The following DGKH variants were observed in gnomAD, a reference collection of about 807,000 sequenced individuals.
DGKH encodes the protein diacylglycerol kinase eta.
A neutral mutation model predicts 159.3 loss-of-function variants in DGKH; 90 were observed. The ratio of observed to expected loss-of-function variants is 0.57; its 90% CI spans 0.48 to 0.67. DGKH has a LOEUF of 0.67. Ranked by LOEUF, DGKH falls within the 30% of genes least tolerant of loss-of-function variation. The pLI is 0.00. For synonymous variants in DGKH, 536 were observed against 553.8 expected (o/e 0.97, Z 0.45); for missense variants, 1,181 against 1,506.1 (o/e 0.78, Z 3.57).
chr13:42,159,244 C>CTTTTTT (rs57531279), intron 5 of DGKH, 22 bp from the exon 6 acceptor site: 5,188 of 214,096 alleles, frequency 0.024, 1,059 homozygotes, highest in Middle Eastern at 0.034. Context: ...AGCAGTTGCT[C>CTTTTTT]TTTTTTTTTT....
At chr13:42,104,623 C>T (rs1954713136) in intron 1 of DGKH, among the ~76,000 whole-genome samples, 1 of 152,152 alleles carries the variant, frequency 6.6e-6, no homozygotes, top group African/African-American at 2.4e-5. Context: ...AAGTTGTTCA[C>T]ATGGCCAGAT....
chr13:42,109,648 G>A (rs1172609545), intron 1 of DGKH, among the ~76,000 whole-genome samples: 4 of 40,846 alleles, frequency 9.8e-5, no homozygotes, highest in Non-Finnish European at 1.7e-4. Context: ...CTGTGCGTGC[G>A]TGCCTGTGCG....
At chr13:42,147,203 T>G (rs1033999394) in intron 3 of DGKH, among the ~76,000 whole-genome samples, 8 of 151,992 alleles carry the variant, frequency 5.3e-5, no homozygotes, top group Non-Finnish European at 1.2e-4. Context: ...GAGTTGAAAA[T>G]GGGAATAAAA....
chr13:42,229,424 A>G lies in DGKH; in HGVS notation c.*236A>G, dbSNP rs576842389. ...TTTTTGTGCAAACCTGACATGTTCA[A>G]ATATATTCACAATGGTAATAAGGTA... On this transcript the variant is annotated 3_prime_UTR_variant, in exon 30 of 30. Transcript: ENST00000337343. 2.3e-6 allele frequency: 1 copy of G among 431,686 alleles called. No homozygotes were observed. Among genetic ancestry groups the G allele is most frequent in the East Asian group, 5.0e-5 (1 of 19,900 alleles). The allele number at this position is 431,686 out of a possible 1,614,324, so 26.7% of individuals were successfully genotyped here. A position where few individuals can be genotyped will look rare whatever the true frequency, so the allele number is the denominator to read the frequency against.
chr13:42,067,931 A>T (rs949166934), intron 1 of DGKH, among the ~76,000 whole-genome samples: 9 of 152,200 alleles, frequency 5.9e-5, no homozygotes, highest in African/African-American at 2.2e-4. Context: ...TTAAACTATA[A>T]TAATGATGTA....
intron 7 of DGKH, among the ~76,000 whole-genome samples, chr13:42,161,668 T>C (rs1336411278): frequency 1.3e-5 from 2 of 148,886 alleles, no homozygotes; most frequent in Non-Finnish European, 3.0e-5. Context: ...TAATCCCAGC[T>C]ACTCGGGAGG....
At chr13:42,199,519 T>C (rs1392625598) in intron 18 of DGKH, 47 bp from the exon 19 acceptor site, 7 of 1,292,872 alleles carry the variant, frequency 5.4e-6, no homozygotes, top group Non-Finnish European at 7.6e-6. Flanking sequence ...GTAATTGTTA[T>C]AATGAATCTC....
At chr13:42,170,942 CAA>C (rs5803114) in intron 11 of DGKH, among the ~76,000 whole-genome samples, 4,992 of 136,014 alleles carry the variant, frequency 0.037, 186 homozygotes, top group African/African-American at 0.11. Context: ...GACTCTGTCT[CAA>C]AAAAAAAAAA....
intron 12 of DGKH, among the ~76,000 whole-genome samples, chr13:42,175,725 G>C (rs564961245): frequency 6.6e-6 from 1 of 152,286 alleles, no homozygotes; most frequent in South Asian, 2.1e-4. Context: ...CAAAGGGATA[G>C]CATACTTTAA....
chr13:42,214,406 A>G, intron 24 of DGKH, 101 bp from the exon 25 acceptor site: 1 of 1,094,220 alleles, frequency 9.1e-7, no homozygotes, highest in Non-Finnish European at 1.3e-6. Flanking sequence ...ACTGATCTTC[A>G]TATATTTTTT....
At chr13:42,207,695 G>GTATA (rs55668821) in intron 21 of DGKH, among the ~76,000 whole-genome samples, 2,132 of 140,256 alleles carry the variant, frequency 0.015, 29 homozygotes, top group Middle Eastern at 0.09. Context: ...ATTAAAGTGT[G>GTATA]TATATATATA....
rs1958299198 is a variant in DGKH at position 42,231,695 on chromosome 13, T to C, written c.*2507T>C. The stretch of plus-strand genomic sequence containing the variant: ...GAGTCTAGCTATGATGTGTCCCAAA[T>C]TTAAGAGTGTGATGTGAAGGACTGA... On this transcript the variant is annotated 3_prime_UTR_variant, in exon 30 of 30. Transcript: ENST00000337343. 1 of 152,170 alleles carries C rather than the reference T, an allele frequency of 6.6e-6. No individual in the cohort carries two copies. The highest frequency in any genetic ancestry group is 6.5e-5 in the Admixed American group (1 of 15,284). 9.4% of individuals were successfully genotyped at this position (152,170 alleles called of 1,614,324 possible). A position where few individuals can be genotyped will look rare whatever the true frequency, so the allele number is the denominator to read the frequency against.
intron 28 of DGKH, among the ~76,000 whole-genome samples, chr13:42,220,216 T>C (rs1957929696): frequency 6.6e-6 from 1 of 152,212 alleles, no homozygotes; most frequent in African/African-American, 2.4e-5. Context: ...AAATGGAACA[T>C]AGAAACTTTC....
downstream of DGKH, among the ~76,000 whole-genome samples, chr13:42,244,859 C>A (rs576083077): frequency 0.013 from 1,756 of 133,750 alleles, 17 homozygotes; most frequent in Non-Finnish European, 0.021. Flanking sequence ...AGCCGAGATC[C>A]CGCCACTGCA....
Position 42,229,464 on chromosome 13 carries a change from C to A in DGKH, c.*276C>A. ...GTAATAAGGTAGGAGGAATCTGAGACGATTGCATTGTCTAAACAGTGGAAT... is the reference window on the plus strand; with the variant it reads ...GTAATAAGGTAGGAGGAATCTGAGAAGATTGCATTGTCTAAACAGTGGAAT... On this transcript the variant is annotated 3_prime_UTR_variant, in exon 30 of 30. Coordinates refer to ENST00000337343, the MANE Select transcript of DGKH (RefSeq NM_178009.5). 3.1e-6 allele frequency: 1 copy of A among 326,476 alleles called. No individual in the cohort carries two copies. The highest frequency in any genetic ancestry group is 3.9e-5 in the South Asian group (1 of 25,674). The allele number at this position is 326,476 out of a possible 1,614,324, so 20.2% of individuals were successfully genotyped here.
At chr13:42,123,753 C>A (rs1955119094) in intron 1 of DGKH, among the ~76,000 whole-genome samples, 1 of 152,162 alleles carries the variant, frequency 6.6e-6, no homozygotes, top group African/African-American at 2.4e-5. Flanking sequence ...AGTCAGTAGT[C>A]TTTAGGGAAA....
intron 29 of DGKH, among the ~76,000 whole-genome samples, chr13:42,249,959 C>CAGTTTTTT (rs922831663): frequency 6.6e-6 from 1 of 151,790 alleles, no homozygotes; most frequent in African/African-American, 2.4e-5. Context: ...ACTCCAGCTC[C>CAGTTTTTT]AGTTTTTTTG....
At chr13:42,165,815 G>A (rs2138004748) in intron 8 of DGKH, among the ~76,000 whole-genome samples, 1 of 152,006 alleles carries the variant, frequency 6.6e-6, no homozygotes, top group Admixed American at 6.5e-5. Flanking sequence ...TAATTTCATT[G>A]TAGGAATTTA....
At chr13:42,098,304 T>A (rs1954585256) in intron 1 of DGKH, among the ~76,000 whole-genome samples, 1 of 152,126 alleles carries the variant, frequency 6.6e-6, no homozygotes, top group Non-Finnish European at 1.5e-5. Flanking sequence ...CTGGCCAACA[T>A]GGCGAAACCC....
Sources: gnomAD v4.1 joint callset for allele counts (sites outside exome capture counted in the v4.1 genomes callset) on GRCh38, gnomAD v4.1.1 for gene constraint, MANE v1.5 for transcripts, NCBI Gene and HGNC (gene_info 2026-07-23, HGNC 2026-07-21) for gene names.